The following G3BP2 variants were observed in gnomAD, a reference collection of about 807,000 sequenced individuals.
G3BP2 encodes the protein ras GTPase-activating protein-binding protein 2.
A neutral mutation model predicts 56.7 loss-of-function variants in G3BP2; 11 were observed. The ratio of observed to expected loss-of-function variants is 0.19; its 90% CI spans 0.12 to 0.32. G3BP2 has a LOEUF of 0.32. Ranked by LOEUF, G3BP2 falls within the 10% of genes least tolerant of loss-of-function variation. The probability of loss-of-function intolerance (pLI) is 1.00; values close to 1 mark genes in which losing one functional copy is unlikely to be tolerated. For missense variants in G3BP2, 340 were observed against 610.9 expected (o/e 0.56, Z 4.67); for synonymous variants, 165 against 191.6 (o/e 0.86, Z 1.15).
At chr4:75,713,216 A>G (rs984123225) in intron 3 of G3BP2, among the ~76,000 whole-genome samples, 1 of 152,212 alleles carries the variant, frequency 6.6e-6, no homozygotes, top group African/African-American at 2.4e-5. Context: ...CTGGCAGCTA[A>G]GAATGGACAC....
chr4:75,674,725 T>TATATATATATATATACA (rs55890020), upstream of G3BP2, among the ~76,000 whole-genome samples: 1 of 86,588 alleles, frequency 1.2e-5, no homozygotes, highest in Non-Finnish European at 2.4e-5. Context: ...TATATTTTTT[T>TATATATATATATATACA]TTTTTTTTTT....
At chr4:75,687,109 T>C (rs944470226) in intron 3 of G3BP2, among the ~76,000 whole-genome samples, 1 of 152,098 alleles carries the variant, frequency 6.6e-6, no homozygotes, top group Non-Finnish European at 1.5e-5. Flanking sequence ...AGCAGTATTT[T>C]TTTTTTTAAC....
At chr4:75,653,120 T>C (rs1731825811) in intron 8 of G3BP2, among the ~76,000 whole-genome samples, 1 of 150,676 alleles carries the variant, frequency 6.6e-6, no homozygotes, top group Non-Finnish European at 1.5e-5. Context: ...AAAAAAAGTA[T>C]CACGGGCGTA....
Position 75,643,316 on chromosome 4 carries a change from T to TATATATATATATATATATATATAC in G3BP2, c.*2113_*2114insGTATATATATATATATATATATAT, listed in dbSNP as rs1730995081. The TATATATATATATATATATATATAC allele has an allele frequency of 7.4e-6, 1 of 134,976 alleles. No individual in the cohort carries two copies. Among genetic ancestry groups the TATATATATATATATATATATATAC allele is most frequent in the Non-Finnish European group, 1.6e-5 (1 of 61,948 alleles). The allele number at this position is 134,976 out of a possible 1,614,324, so 8.4% of individuals were successfully genotyped here. On this transcript the variant is annotated 3_prime_UTR_variant, in exon 12 of 12. Transcript: ENST00000359707. ...GAAATTATATATATATATATATATA[T>TATATATATATATATATATATATAC]GGAAACAGAAATACAAGAAAATATG...
intron 3 of G3BP2, among the ~76,000 whole-genome samples, chr4:75,720,796 A>AAAATAAATAAATAAATAAAT (rs150099549): frequency 2.3e-5 from 3 of 132,074 alleles, no homozygotes; most frequent in African/African-American, 5.6e-5. Flanking sequence ...GCTCCATCTC[A>AAAATAAATAAATAAATAAAT]AAATAAATAA....
intron 4 of G3BP2, 65 bp downstream of exon 4, chr4:75,657,492 A>C: frequency 8.5e-7 from 1 of 1,172,616 alleles, no homozygotes; most frequent in South Asian, 1.5e-5. Flanking sequence ...ATTAGAAGAA[A>C]CCTCTGGACA....
chr4:75,664,776 G>A (rs1316384928), intron 1 of G3BP2, among the ~76,000 whole-genome samples: 1 of 152,012 alleles, frequency 6.6e-6, no homozygotes, highest in Non-Finnish European at 1.5e-5. Flanking sequence ...TTTAACCTGG[G>A]GGACAAAGGT....
intron 3 of G3BP2, among the ~76,000 whole-genome samples, chr4:75,680,642 G>T (rs896475497): frequency 6.6e-6 from 1 of 152,146 alleles, no homozygotes; most frequent in African/African-American, 2.4e-5. Context: ...CTCCTCTTGG[G>T]ACAAATACTT....
chr4:75,651,339 C>T (rs535965826), intron 8 of G3BP2, among the ~76,000 whole-genome samples: 60 of 152,320 alleles, frequency 3.9e-4, no homozygotes, highest in Middle Eastern at 3.4e-3. Context: ...GATTTAAATT[C>T]TTTTCAAAAC....
At chr4:75,668,195 G>C (rs1038006906) in intron 1 of G3BP2, among the ~76,000 whole-genome samples, 2 of 152,146 alleles carry the variant, frequency 1.3e-5, no homozygotes, top group Admixed American at 6.5e-5. Context: ...CATACATGCA[G>C]ATTAGAAAAG....
intron 3 of G3BP2, among the ~76,000 whole-genome samples, chr4:75,700,393 C>T (rs1719292168): frequency 2.2e-5 from 1 of 44,660 alleles, no homozygotes; most frequent in Non-Finnish European, 4.8e-5. Flanking sequence ...GAAATGAAAA[C>T]ATTAATAAAA....
Position 75,642,936 on chromosome 4 carries a change from T to A in G3BP2, c.*2494A>T, listed in dbSNP as rs1265378718. 6.6e-6 allele frequency: 1 copy of A among 152,618 alleles called. No individual in the cohort carries two copies. The highest frequency in any genetic ancestry group is 2.4e-5 in the African/African-American group (1 of 41,450). The allele number at this position is 152,618 out of a possible 1,614,324, so 9.5% of individuals were successfully genotyped here. ...CAGCAATAAAGATGGTAATCCATTG[T>A]CTTCTATACCTACTAAAGCCAAGAT... is the stretch of plus-strand genomic sequence containing the variant. On this transcript the variant is annotated 3_prime_UTR_variant, in exon 12 of 12. Transcript: ENST00000359707.
rs988800062 is a variant in G3BP2, at chr4:75,658,736, A to C, written c.177+107T>G. 5.1e-6 allele frequency: 4 copies of C among 776,952 alleles called. No individual in the cohort carries two copies. In the African/African-American group the frequency reaches 7.0e-5, roughly 14 times the overall value. The allele number at this position is 776,952 out of a possible 1,614,324, so 48.1% of individuals were successfully genotyped here. ...GAGCAAAACTCCGTCTCAAAAAAAAAAGAGAAAGAAAGAAAGAAAAAAAAA... is the reference window on the plus strand; with the variant it reads ...GAGCAAAACTCCGTCTCAAAAAAAACAGAGAAAGAAAGAAAGAAAAAAAAA... On this transcript the variant is annotated intron_variant, in intron 3 of 11. Transcript: ENST00000359707.
At chr4:75,659,015 G>A (rs1732337507) in intron 2 of G3BP2, 91 bp from the exon 3 acceptor site, 4 of 934,080 alleles carry the variant, frequency 4.3e-6, no homozygotes, top group African/African-American at 1.6e-5. Context: ...TCCGGATCCC[G>A]CTCTGTCACT....
intron 3 of G3BP2, among the ~76,000 whole-genome samples, chr4:75,683,457 G>A (rs572804665): frequency 1.3e-5 from 2 of 151,870 alleles, no homozygotes; most frequent in African/African-American, 4.8e-5. Flanking sequence ...CCAGCTACTC[G>A]GGAGGCTGAG....
In G3BP2 at chr4:75,643,295, T is replaced by TTATATATATATATATATATATATATA. The variant is rs6148524; in HGVS notation, c.*2134_*2135insTATATATATATATATATATATATATA. 4.8e-3 allele frequency: 475 copies of TTATATATATATATATATATATATATA among 99,538 alleles called. 16 individuals are homozygous for TTATATATATATATATATATATATATA. Among genetic ancestry groups the TTATATATATATATATATATATATATA allele is most frequent in the Middle Eastern group, 0.028 (5 of 176 alleles). The allele number at this position is 99,538 out of a possible 1,614,324, so 6.2% of individuals were successfully genotyped here. ...GCAGGGCAATATCCTGAATTGGAAA[T>TTATATATATATATATATATATATATA]TATATATATATATATATATATGGAA... On this transcript the variant is annotated 3_prime_UTR_variant, in exon 12 of 12. Transcript: ENST00000359707.
At chr4:75,685,274 G>T (rs573577549) in intron 3 of G3BP2, among the ~76,000 whole-genome samples, 1 of 151,906 alleles carries the variant, frequency 6.6e-6, no homozygotes, top group South Asian at 2.1e-4. Context: ...GCCGAGGCAC[G>T]TGGATCACCT....
At chr4:75,659,387 T>TA (rs1732367432) in intron 2 of G3BP2, among the ~76,000 whole-genome samples, 1 of 152,186 alleles carries the variant, frequency 6.6e-6, no homozygotes, top group African/African-American at 2.4e-5. Context: ...TCTAAAGGCT[T>TA]AAACTGTTTA....
At chr4:75,671,276 A>C (rs1344548561) in intron 1 of G3BP2, among the ~76,000 whole-genome samples, 9 of 152,190 alleles carry the variant, frequency 5.9e-5, no homozygotes, top group Non-Finnish European at 1.0e-4. Context: ...CTGTCTCCAT[A>C]TTCACTCAAA....
Sources: allele counts gnomAD v4.1 joint callset (sites outside exome capture counted in the v4.1 genomes callset), GRCh38; gene constraint gnomAD v4.1.1; transcripts MANE v1.5; gene names NCBI Gene and HGNC (gene_info 2026-07-23, HGNC 2026-07-21).